Variants in SPATA31C1 observed in about 807,000 individuals in gnomAD.
The protein encoded by SPATA31C1 is SPATA31 subfamily C member 1.
At chr9:87,919,207 C>T (rs1587588088) in intron 2 of SPATA31C1, 48 bp from the exon 2 acceptor site, 1 of 1,597,996 alleles carries the variant, frequency 6.3e-7, no homozygotes, top group Non-Finnish European at 8.5e-7. Flanking sequence ...CGGCTGGGGG[C>T]AGAGAGGGAG....
At position 87,921,702 on chromosome 9, in the gene SPATA31C1, C is replaced by T. The variant is rs760468757; in HGVS notation, n.2092C>T. 4.3e-6 allele frequency: 7 copies of T among 1,611,938 alleles called. No individual in the cohort carries two copies. The East Asian group carries it at 1.3e-4, about 31-fold the overall frequency. ...GGGCCAGACCAACGAGGGCTTGATCCCCGTGAGTGTGCGTCGATCCTGGCT... is the reference window on the plus strand; with the variant it reads ...GGGCCAGACCAACGAGGGCTTGATCTCCGTGAGTGTGCGTCGATCCTGGCT... On this transcript the variant is annotated non_coding_transcript_exon_variant, in exon 5 of 5. Coordinates refer to ENST00000420021, the Ensembl canonical transcript of SPATA31C1.
chr9:87,921,825 G>A (rs1236393544), exon 5 of SPATA31C1: 2 of 1,611,946 alleles, frequency 1.2e-6, no homozygotes, highest in Non-Finnish European at 1.7e-6. Flanking sequence ...CACAGCCCAG[G>A]TGCTTTCCTT....
In SPATA31C1 at chr9:87,923,036, A is replaced by C. The variant is rs544294092; in HGVS notation, n.3426A>C. On this transcript the variant is annotated non_coding_transcript_exon_variant, in exon 5 of 5. Coordinates refer to ENST00000420021, the Ensembl canonical transcript of SPATA31C1. ...CACCAGTCACTGCTGAGAGCCAAAA[A>C]ACAGTAAAAAACAGATCATGCGTGT... 2.3e-4 allele frequency: 364 copies of C among 1,596,800 alleles called. 4 individuals carry two copies. The African/African-American group carries it at 4.6e-3, about 20-fold the overall frequency.
Position 87,915,836 on chromosome 9 carries a change from A to G in SPATA31C1, n.189+1126A>G, listed in dbSNP as rs1316956019. On this transcript the variant is annotated intron_variant and non_coding_transcript_variant, in intron 1 of 4. Transcript: ENST00000420021. ...TTCTGTAGCTATGTAAAAAGTTAAAAAATTGGGGAGAATAATTCCTCCCAC... is the reference window on the plus strand; with the variant it reads ...TTCTGTAGCTATGTAAAAAGTTAAAGAATTGGGGAGAATAATTCCTCCCAC... 9.8e-3 allele frequency among the ~76,000 whole-genome samples: 1,421 copies of G among 145,572 alleles called. 97 individuals carry two copies. The highest frequency in any genetic ancestry group is 0.034 in the African/African-American group (1,343 of 39,846).
At chr9:87,922,664 G>A in exon 5 of SPATA31C1, 1 of 1,608,378 alleles carries the variant, frequency 6.2e-7, no homozygotes, top group Non-Finnish European at 8.5e-7. Flanking sequence ...GGAACATGCA[G>A]GCTTCCCAGG....
exon 5 of SPATA31C1, chr9:87,921,704 C>G (rs768427506): frequency 6.2e-7 from 1 of 1,611,942 alleles, no homozygotes; most frequent in African/African-American, 1.3e-5. Flanking sequence ...GCTTGATCCC[C>G]GTGAGTGTGC....
chr9:87,921,464 A>G (rs1195286567), exon 5 of SPATA31C1: 4 of 1,611,810 alleles, frequency 2.5e-6, no homozygotes, highest in Non-Finnish European at 2.5e-6. Context: ...AGAGGGACCC[A>G]TGCCCACATC....
chr9:87,915,630 G>A lies in SPATA31C1; in HGVS notation n.189+920G>A, dbSNP rs1828699749. Among the ~76,000 whole-genome samples the A allele has an allele frequency of 1.4e-5, 2 of 144,576 alleles. 1 individual carries two copies. Among genetic ancestry groups the A allele is most frequent in the African/African-American group, 5.0e-5 (2 of 39,710 alleles). The allele number at this position is 144,576 out of a possible 152,430, so 94.8% of individuals were successfully genotyped here. On this transcript the variant is annotated intron_variant and non_coding_transcript_variant, in intron 1 of 4. Coordinates refer to ENST00000420021, the Ensembl canonical transcript of SPATA31C1. ...CTTTTTTTTTTAATAAAGACATGAG[G>A]TTAGATTGAGGTTATTGTTTTGTCT... is the stretch of plus-strand genomic sequence containing the variant.
intron 1 of SPATA31C1, among the ~76,000 whole-genome samples, chr9:87,915,908 A>G (rs1828704687): frequency 6.9e-6 from 1 of 144,566 alleles, no homozygotes; most frequent in African/African-American, 2.5e-5. Context: ...TATTATAGAA[A>G]AAACTATTCG....
chr9:87,919,259 A>ATCTTGTCTCCCAGCGTCT (rs1190773724), intron 2 of SPATA31C1: 1 of 1,598,758 alleles, frequency 6.3e-7, no homozygotes, highest in Non-Finnish European at 8.5e-7. Flanking sequence ...TCCCAGCGTC[A>ATCTTGTCTCCCAGCGTCT]TCTTGTCTCC....
At position 87,921,790 on chromosome 9, in the gene SPATA31C1, C is replaced by T. The variant is rs74394913; in HGVS notation, n.2180C>T. 42 of 1,611,888 alleles carry T rather than the reference C, an allele frequency of 2.6e-5. No homozygotes were observed. In the Middle Eastern group the frequency reaches 6.7e-4, roughly 26 times the overall value. ...GTGAAAACCAGCAATCTAGCAGCCC[C>T]GAAAAGTAGGAAAGCCTGTGTAAAC... On this transcript the variant is annotated non_coding_transcript_exon_variant, in exon 5 of 5. Coordinates refer to ENST00000420021, the Ensembl canonical transcript of SPATA31C1.
exon 5 of SPATA31C1, chr9:87,920,744 C>G: frequency 2.5e-6 from 4 of 1,614,006 alleles, no homozygotes; most frequent in Non-Finnish European, 3.4e-6. Flanking sequence ...TCCCAGCCAT[C>G]TCAGGCCTTG....
chr9:87,921,688 A>G (rs1828873819), exon 5 of SPATA31C1: 1 of 1,612,042 alleles, frequency 6.2e-7, no homozygotes, highest in African/African-American at 1.3e-5. Flanking sequence ...GGCCAGACCA[A>G]CGAGGGCTTG....
At chr9:87,921,114 C>A (rs766250904) in exon 5 of SPATA31C1, 2 of 1,611,584 alleles carry the variant, frequency 1.2e-6, no homozygotes, top group Non-Finnish European at 1.7e-6. Flanking sequence ...AACTCAGCAC[C>A]CTGAAAGGCC....
At chr9:87,916,561 A>T (rs1202445522) in intron 1 of SPATA31C1, among the ~76,000 whole-genome samples, 4 of 150,328 alleles carry the variant, frequency 2.7e-5, no homozygotes, top group African/African-American at 4.8e-5. Flanking sequence ...CAACAAGAAA[A>T]AACAAGCCAA....
At position 87,919,366 on chromosome 9, in the gene SPATA31C1, C is replaced by T. The variant is rs758422366; in HGVS notation, n.580+18C>T. ...TCTGAGAGGTAAGGCTCTGCCAGGG[C>T]ACACTAGAGTTAATTTGATCTCATC... On this transcript the variant is annotated intron_variant and non_coding_transcript_variant, in intron 3 of 4. Coordinates refer to ENST00000420021, the Ensembl canonical transcript of SPATA31C1. 6 of 1,601,796 alleles carry T rather than the reference C, an allele frequency of 3.7e-6. No individual in the cohort carries two copies. The highest frequency in any genetic ancestry group is 2.2e-5 in the South Asian group (2 of 90,584).
At chr9:87,920,958 C>T in exon 5 of SPATA31C1, 1 of 1,613,084 alleles carries the variant, frequency 6.2e-7, no homozygotes, top group Non-Finnish European at 8.5e-7. Flanking sequence ...CCAATTCCGG[C>T]CCACACCTAT....
exon 5 of SPATA31C1, chr9:87,922,941 A>G (rs512437): frequency 0.46 from 674,556 of 1,471,056 alleles, 177,053 homozygotes; most frequent in Non-Finnish European, 0.5. Flanking sequence ...GCCTCCTTCA[A>G]TAAGCCACTT....
chr9:87,921,024 G>A (rs760007616), exon 5 of SPATA31C1: 1 of 1,612,044 alleles, frequency 6.2e-7, no homozygotes, highest in Non-Finnish European at 8.5e-7. Context: ...CCTATCTCCT[G>A]CTTTTCTATC....
Sources: allele counts gnomAD v4.1 joint callset (sites outside exome capture counted in the v4.1 genomes callset), GRCh38; gene constraint gnomAD v4.1.1; transcripts MANE v1.5; gene names NCBI Gene and HGNC (gene_info 2026-07-23, HGNC 2026-07-21).